The following ENOX1 variants were observed in gnomAD, a reference collection of about 807,000 sequenced individuals.
ENOX1 encodes the protein candidate growth-related and time keeping constitutive hydroquinone (NADH) oxidase.
A neutral mutation model predicts 82.5 loss-of-function variants in ENOX1; 42 were observed. That is an observed-to-expected ratio of 0.51 (90% CI 0.40 to 0.66). The LOEUF is 0.66. ENOX1 is among the 30% of genes least tolerant of loss of function. The pLI, the probability that ENOX1 is intolerant of heterozygous loss-of-function variation, is 0.00. For synonymous variants in ENOX1, 271 were observed against 282.2 expected, an observed-to-expected ratio of 0.96 and a Z score of 0.40; for missense variants, 608 against 811.6, an observed-to-expected ratio of 0.75 and a Z score of 3.05.
intron 14 of ENOX1, among the ~76,000 whole-genome samples, chr13:43,247,845 A>G (rs868193301): frequency 0.038 from 42 of 1,094 alleles, 1 homozygote; most frequent in African/African-American, 0.1. Context: ...ATATATATAT[A>G]TATATATATA....
In ENOX1 at chr13:43,226,773, TGCA is replaced by T. The variant is rs1271060184; in HGVS notation, c.1715-2638_1715-2636del. ...GGAAGCTTTTTTTCTCCTCCTCCCC[TGCA>T]GGGTTCTCCCAGGGAGGTGAGGGCT... On this transcript the variant is annotated intron_variant, in intron 15 of 16. Coordinates refer to ENST00000690772, the MANE Select transcript of ENOX1 (RefSeq NM_001347969.2). Among the ~76,000 whole-genome samples, 3 of 152,144 alleles carry T rather than the reference TGCA, an allele frequency of 2.0e-5. No homozygotes were observed. The South Asian group carries it at 6.2e-4, about 32-fold the overall frequency.
chr13:43,451,101 G>A (rs1276381078), intron 3 of ENOX1, among the ~76,000 whole-genome samples: 3 of 152,112 alleles, frequency 2.0e-5, no homozygotes, highest in African/African-American at 7.2e-5. Context: ...TGAGTAGTTA[G>A]AAGTAAAAAT....
intron 3 of ENOX1, among the ~76,000 whole-genome samples, chr13:43,420,210 T>C (rs2054893260): frequency 6.6e-6 from 1 of 152,178 alleles, no homozygotes. Context: ...TAAAACAATA[T>C]AGATAATTGT....
chr13:43,758,102 G>A (rs1477906730), intron 1 of ENOX1, among the ~76,000 whole-genome samples: 1 of 152,052 alleles, frequency 6.6e-6, no homozygotes, highest in East Asian at 1.9e-4. Flanking sequence ...CAGGTGTGGT[G>A]GTGTGTGCCT....
chr13:43,765,944 GAAATTT>G (rs1951237475), intron 1 of ENOX1, among the ~76,000 whole-genome samples: 1 of 152,108 alleles, frequency 6.6e-6, no homozygotes, highest in Non-Finnish European at 1.5e-5. Flanking sequence ...CTCATAAAAA[GAAATTT>G]AAATTTTAGC....
intron 12 of ENOX1, among the ~76,000 whole-genome samples, chr13:43,292,806 A>G (rs113731277): frequency 1.6e-4 from 24 of 151,650 alleles, no homozygotes; most frequent in South Asian, 4.2e-4. Context: ...CATCCTCACC[A>G]TAACTACCCT....
intron 2 of ENOX1, among the ~76,000 whole-genome samples, chr13:43,625,835 C>G (rs1247561767): frequency 6.6e-6 from 1 of 151,822 alleles, no homozygotes; most frequent in East Asian, 1.9e-4. Flanking sequence ...GTTCTAGTAT[C>G]AAGGAAATAC....
intron 14 of ENOX1, among the ~76,000 whole-genome samples, chr13:43,237,628 G>A (rs565186583): frequency 2.0e-5 from 3 of 152,274 alleles, no homozygotes; most frequent in South Asian, 2.1e-4. Context: ...CCGAATGGAC[G>A]AAGAATTCAG....
At chr13:43,635,096 C>T (rs567190795) in intron 2 of ENOX1, among the ~76,000 whole-genome samples, 1 of 152,114 alleles carries the variant, frequency 6.6e-6, no homozygotes, top group East Asian at 1.9e-4. Flanking sequence ...AAAGCATTAA[C>T]GAACACAGAA....
intron 11 of ENOX1, among the ~76,000 whole-genome samples, chr13:43,310,795 G>A (rs2047156864): frequency 6.6e-6 from 1 of 151,992 alleles, no homozygotes; most frequent in African/African-American, 2.4e-5. Flanking sequence ...TAGTTCTACA[G>A]AAAAAAGCTT....
intron 2 of ENOX1, among the ~76,000 whole-genome samples, chr13:43,489,695 G>A (rs755848109): frequency 1.2e-4 from 18 of 152,148 alleles, no homozygotes; most frequent in Non-Finnish European, 2.2e-4. Context: ...ACTCCAGCCC[G>A]CGAGAGCTGC....
Position 43,220,147 on chromosome 13 carries a change from C to T in ENOX1, c.1800+3906G>A, listed in dbSNP as rs1208329817. 4.6e-5 allele frequency among the ~76,000 whole-genome samples: 7 copies of T among 150,982 alleles called. No homozygotes were observed. In the East Asian group the frequency reaches 1.2e-3, roughly 25 times the overall value. On this transcript the variant is annotated intron_variant, in intron 16 of 16. Coordinates refer to ENST00000690772, the MANE Select transcript of ENOX1 (RefSeq NM_001347969.2). Reference sequence around the variant, plus strand: ...AAGTCAGGAATTCGAAGGAGTGAAGCAAGAAACTGGTAGAGGAAGGGAAGG... The same window carrying T: ...AAGTCAGGAATTCGAAGGAGTGAAGTAAGAAACTGGTAGAGGAAGGGAAGG...
chr13:43,520,821 G>A (rs765404554), intron 2 of ENOX1, among the ~76,000 whole-genome samples: 4 of 152,172 alleles, frequency 2.6e-5, no homozygotes, highest in African/African-American at 4.8e-5. Flanking sequence ...AGAAGAGGCC[G>A]GGATCAGGCC....
At chr13:43,640,578 C>T (rs188115191) in intron 2 of ENOX1, among the ~76,000 whole-genome samples, 1 of 152,266 alleles carries the variant, frequency 6.6e-6, no homozygotes, top group Admixed American at 6.5e-5. Context: ...AAAGTAGTTA[C>T]TTGAGTAATA....
intron 11 of ENOX1, among the ~76,000 whole-genome samples, chr13:43,320,302 G>A (rs1209652729): frequency 6.6e-6 from 1 of 152,150 alleles, no homozygotes; most frequent in African/African-American, 2.4e-5. Context: ...TTTGAACTCC[G>A]GTTCTTTCAT....
chr13:43,665,649 G>A (rs557581966), intron 2 of ENOX1, among the ~76,000 whole-genome samples: 3 of 151,782 alleles, frequency 2.0e-5, no homozygotes, highest in Non-Finnish European at 4.4e-5. Context: ...TTCAACCTGC[G>A]ATGCCAACAC....
intron 1 of ENOX1, among the ~76,000 whole-genome samples, chr13:43,712,285 C>T (rs2087778698): frequency 6.7e-6 from 1 of 149,632 alleles, no homozygotes; most frequent in South Asian, 2.1e-4. Context: ...ATCTATATCT[C>T]TGTTTTGGTA....
At chr13:43,273,844 A>T (rs1441509839) in intron 12 of ENOX1, among the ~76,000 whole-genome samples, 1 of 152,230 alleles carries the variant, frequency 6.6e-6, no homozygotes, top group Non-Finnish European at 1.5e-5. Flanking sequence ...CACATTTCAT[A>T]TCTGTCTTCC....
At chr13:43,283,664 G>A (rs147559057) in intron 12 of ENOX1, among the ~76,000 whole-genome samples, 201 of 149,630 alleles carry the variant, frequency 1.3e-3, no homozygotes, top group Non-Finnish European at 9.8e-4. Flanking sequence ...TGACCAGGCT[G>A]GTCTCAAACT....
Sources: gnomAD v4.1 joint callset for allele counts (sites outside exome capture counted in the v4.1 genomes callset) on GRCh38, gnomAD v4.1.1 for gene constraint, MANE v1.5 for transcripts, NCBI Gene and HGNC (gene_info 2026-07-23, HGNC 2026-07-21) for gene names.